LAMA2: variants seen among roughly 807,000 people sequenced by gnomAD.
The protein encoded by LAMA2 is laminin subunit alpha 2.
LAMA2 carries 269 observed loss-of-function variants against 364.8 expected under a neutral mutation model. That is an observed-to-expected ratio of 0.74 (90% confidence interval 0.67 to 0.82). LAMA2 has a LOEUF of 0.82. Ranked by LOEUF, LAMA2 falls within the 40% of genes least tolerant of loss-of-function variation. The pLI is 0.00. For synonymous variants in LAMA2, 1,379 were observed against 1,370.6 expected, an observed-to-expected ratio of 1.01 and a Z score of -0.14; for missense variants, 3,807 against 3,873.2, an observed-to-expected ratio of 0.98 and a Z score of 0.45.
At chr6:129,202,984 C>T (rs1782400093) in intron 12 of LAMA2, among the ~76,000 whole-genome samples, 1 of 152,152 alleles carries the variant, frequency 6.6e-6, no homozygotes, top group African/African-American at 2.4e-5. Context: ...AGACCTCTAG[C>T]CAGTCATGTT....
intron 1 of LAMA2, among the ~76,000 whole-genome samples, chr6:128,918,457 G>T (rs975081373): frequency 6.6e-6 from 1 of 152,008 alleles, no homozygotes; most frequent in Non-Finnish European, 1.5e-5. Context: ...TTAATATAAA[G>T]AAATAAACAA....
chr6:129,059,761 A>T, intron 2 of LAMA2, 23 bp from the exon 3 acceptor site: 1 of 1,390,926 alleles, frequency 7.2e-7, no homozygotes, highest in Non-Finnish European at 1.0e-6. Flanking sequence ...TCTTCCTTTC[A>T]TATGATGCTG....
chr6:129,155,036 T>C (rs1779026606), intron 8 of LAMA2, among the ~76,000 whole-genome samples: 2 of 152,196 alleles, frequency 1.3e-5, no homozygotes, highest in Non-Finnish European at 1.5e-5. Flanking sequence ...CGACATAATA[T>C]GTTAAGATTT....
intron 37 of LAMA2, among the ~76,000 whole-genome samples, chr6:129,393,459 A>C (rs751967876): frequency 1.1e-4 from 16 of 152,198 alleles, no homozygotes. Flanking sequence ...CCATCGCCCA[A>C]AGAATCAAAT....
intron 28 of LAMA2, among the ~76,000 whole-genome samples, chr6:129,322,625 T>A (rs1460081676): frequency 2.6e-5 from 4 of 152,230 alleles, no homozygotes; most frequent in Non-Finnish European, 5.9e-5. Context: ...TATTTTGCTA[T>A]AGAAAATATT....
chr6:129,386,100 C>T (rs1779001334), intron 35 of LAMA2, among the ~76,000 whole-genome samples: 1 of 151,764 alleles, frequency 6.6e-6, no homozygotes, highest in East Asian at 1.9e-4. Flanking sequence ...AGTGCTATTT[C>T]CTTTTATTTT....
chr6:129,192,807 C>A lies in LAMA2; in HGVS notation c.1736C>A (p.Pro579Gln), dbSNP rs769998511. 5 of 1,614,160 alleles carry A rather than the reference C, an allele frequency of 3.1e-6. No individual in the cohort carries two copies. Among genetic ancestry groups the A allele is most frequent in the Non-Finnish European group, 4.2e-6 (5 of 1,180,028 alleles). ...ISNAEARQALPHSYYWSAPAP... is the reference protein window; with the variant it reads ...ISNAEARQALQHSYYWSAPAP... ...AACGCGGAGGCCCGGCAAGCCCTGC[C>A]GCACAGCTACTACTGGAGCGCGCCG... Residue 579 changes from proline (P) to glutamine (Q), a missense_variant, in exon 12 of 65, where the codon CCG becomes CAG. This residue lies in a region of LAMA2 where 3,333 missense variants were observed against 3,345.7 expected (regional missense o/e 1.00). Coordinates refer to ENST00000421865, the MANE Select transcript of LAMA2 (RefSeq NM_000426.4).
intron 4 of LAMA2, among the ~76,000 whole-genome samples, chr6:129,135,225 A>G (rs1315554748): frequency 6.6e-6 from 1 of 152,218 alleles, no homozygotes; most frequent in African/African-American, 2.4e-5. Flanking sequence ...GGTCTGTCAT[A>G]GACAGGATTG....
intron 58 of LAMA2, among the ~76,000 whole-genome samples, chr6:129,502,286 G>C (rs1785707708): frequency 6.6e-6 from 1 of 152,202 alleles, no homozygotes; most frequent in Non-Finnish European, 1.5e-5. Context: ...AACCCAAGTG[G>C]CTAGCTTGTC....
At position 129,296,146 on chromosome 6, in the gene LAMA2, A is replaced by G. The variant is rs192547057; in HGVS notation, c.2857-1539A>G. On this transcript the variant is annotated intron_variant, in intron 20 of 64. Coordinates refer to ENST00000421865, the MANE Select transcript of LAMA2 (RefSeq NM_000426.4). ...TTCATAATGTGGATGTCATCATTTAATTTATTCAACAATTTTTATAACATT... is the reference window on the plus strand; with the variant it reads ...TTCATAATGTGGATGTCATCATTTAGTTTATTCAACAATTTTTATAACATT... Among the ~76,000 whole-genome samples the G allele has an allele frequency of 9.9e-5, 15 of 152,066 alleles. No individual in the cohort carries two copies. In the East Asian group the frequency reaches 2.7e-3, roughly 27 times the overall value.
chr6:129,034,507 G>A (rs1443410860), intron 1 of LAMA2, among the ~76,000 whole-genome samples: 1 of 151,534 alleles, frequency 6.6e-6, no homozygotes, highest in Non-Finnish European at 1.5e-5. Flanking sequence ...GGGGATACAT[G>A]TGTGGGTTTG....
intron 14 of LAMA2, among the ~76,000 whole-genome samples, chr6:129,252,516 C>A (rs992348253): frequency 6.6e-6 from 1 of 152,080 alleles, no homozygotes; most frequent in Non-Finnish European, 1.5e-5. Context: ...ATTGATGATT[C>A]TTTCACAATT....
chr6:129,198,229 T>TTATTATTAAA (rs71935690), intron 12 of LAMA2, among the ~76,000 whole-genome samples: 1 of 151,278 alleles, frequency 6.6e-6, no homozygotes, highest in African/African-American at 2.4e-5. Context: ...TCACCTAATA[T>TTATTATTAAA]TATTATTAAA....
intron 1 of LAMA2, among the ~76,000 whole-genome samples, chr6:128,900,482 C>T (rs189624571): frequency 2.7e-5 from 4 of 150,478 alleles, no homozygotes; most frequent in African/African-American, 9.7e-5. Context: ...GGAACACTTA[C>T]TTCCCACTTA....
intron 1 of LAMA2, among the ~76,000 whole-genome samples, chr6:128,995,965 G>A (rs1424596798): frequency 1.3e-5 from 2 of 152,072 alleles, no homozygotes; most frequent in East Asian, 3.9e-4. Flanking sequence ...TCTCTCTGAT[G>A]ATTTGTATAT....
chr6:129,227,861 A>G (rs1389943257), intron 12 of LAMA2, among the ~76,000 whole-genome samples: 1 of 152,176 alleles, frequency 6.6e-6, no homozygotes, highest in East Asian at 1.9e-4. Context: ...AAGCTGTCAG[A>G]CAGGGACATT....
chr6:129,339,922 G>C (rs1776163663), intron 29 of LAMA2, among the ~76,000 whole-genome samples: 1 of 151,612 alleles, frequency 6.6e-6, no homozygotes, highest in Admixed American at 6.6e-5. Flanking sequence ...AGAATCGCTT[G>C]AACCTGGGAG....
intron 12 of LAMA2, among the ~76,000 whole-genome samples, chr6:129,236,761 A>G (rs184931997): frequency 4.6e-5 from 7 of 152,208 alleles, no homozygotes; most frequent in African/African-American, 1.7e-4. Context: ...AAGTATATAT[A>G]TATTTATTTT....
chr6:129,447,191 G>GTA (rs1782430314), intron 45 of LAMA2, among the ~76,000 whole-genome samples: 1 of 152,222 alleles, frequency 6.6e-6, no homozygotes, highest in Non-Finnish European at 1.5e-5. Context: ...TTATAAAATA[G>GTA]TAGGGAAAAT....
Sources: gnomAD v4.1 joint callset for allele counts (sites outside exome capture counted in the v4.1 genomes callset) on GRCh38, gnomAD v4.1.1 for gene constraint, gnomAD v4.1.1 regional missense constraint, MANE v1.5 for transcripts, NCBI Gene and HGNC (gene_info 2026-07-23, HGNC 2026-07-21) for gene names.